The following SETBP1 variants were observed in gnomAD, a reference collection of about 807,000 sequenced individuals.
SETBP1 encodes SET-binding protein.
Under a neutral mutation model 101.0 loss-of-function variants are expected in SETBP1, and 9 were observed. The observed-to-expected ratio is 0.09, with a 90% CI of 0.05 to 0.16. The LOEUF is 0.16. SETBP1 is among the 10% of genes least tolerant of loss of function. The probability of loss-of-function intolerance (pLI) is 1.00; values close to 1 mark genes in which losing one functional copy is unlikely to be tolerated. For synonymous variants in SETBP1, 818 were observed against 788.5 expected (o/e 1.04, Z -0.63); for missense variants, 1,858 against 2,033.8 (o/e 0.91, Z 1.66).
chr18:44,891,815 T>C (rs1735664196), intron 3 of SETBP1, among the ~76,000 whole-genome samples: 2 of 152,192 alleles, frequency 1.3e-5, no homozygotes, highest in South Asian at 4.1e-4. Context: ...GAGGCATTTT[T>C]TTCCTCTTTA....
chr18:44,769,463 T>C (rs148293588), intron 2 of SETBP1, among the ~76,000 whole-genome samples: 10 of 152,328 alleles, frequency 6.6e-5, no homozygotes, highest in African/African-American at 2.4e-4. Context: ...GATGATTTCT[T>C]AGGAATGTGT....
At position 45,035,589 on chromosome 18, in the gene SETBP1, G is replaced by A. The variant is rs183280850; in HGVS notation, c.4001-2896G>A. ...GGTACAATTAAAGTGACTTGACTCC[G>A]TTTATTCCCAAGTGGGAGTTAAATA... On this transcript the variant is annotated intron_variant, in intron 4 of 5. Coordinates refer to ENST00000649279, the MANE Select transcript of SETBP1 (RefSeq NM_015559.3). Among the ~76,000 whole-genome samples the A allele has an allele frequency of 1.7e-3, 259 of 152,306 alleles. 1 individual carries two copies. The highest frequency in any genetic ancestry group is 6.0e-3 in the African/African-American group (251 of 41,568).
chr18:44,805,428 G>A (rs2071709053), intron 2 of SETBP1, among the ~76,000 whole-genome samples: 1 of 151,772 alleles, frequency 6.6e-6, no homozygotes, highest in African/African-American at 2.4e-5. Context: ...GTGTGTGTGT[G>A]TGTGTGGGTG....
intron 3 of SETBP1, among the ~76,000 whole-genome samples, chr18:44,889,481 G>A (rs757719584): frequency 1.6e-4 from 25 of 152,098 alleles, no homozygotes; most frequent in Non-Finnish European, 2.8e-4. Flanking sequence ...GTGTAGACTA[G>A]AGTCATAAGA....
chr18:44,817,147 G>C (rs1278220996), intron 2 of SETBP1, among the ~76,000 whole-genome samples: 1 of 152,134 alleles, frequency 6.6e-6, no homozygotes, highest in African/African-American at 2.4e-5. Context: ...TAGTGATTAG[G>C]GTAGAACGAA....
intron 2 of SETBP1, among the ~76,000 whole-genome samples, chr18:44,751,781 A>G (rs2144537935): frequency 6.6e-6 from 1 of 152,324 alleles, no homozygotes; most frequent in African/African-American, 2.4e-5. Flanking sequence ...ATAACAATAT[A>G]CCATAGACTG....
intron 3 of SETBP1, among the ~76,000 whole-genome samples, chr18:44,881,325 C>A (rs150345884): frequency 3.9e-4 from 60 of 152,226 alleles, no homozygotes; most frequent in African/African-American, 1.4e-3. Context: ...ATCTTGTGAA[C>A]AATGACCTAA....
intron 2 of SETBP1, among the ~76,000 whole-genome samples, chr18:44,726,873 G>C (rs976023464): frequency 1.8e-4 from 28 of 152,128 alleles, no homozygotes; most frequent in Admixed American, 2.6e-4. Flanking sequence ...CACACACTCT[G>C]TTTCTGTTTT....
intron 2 of SETBP1, among the ~76,000 whole-genome samples, chr18:44,845,508 G>T (rs1314417870): frequency 4.6e-5 from 7 of 152,230 alleles, no homozygotes; most frequent in Non-Finnish European, 1.0e-4. Context: ...TGGTCTCTGG[G>T]TGATTAATTT....
Position 44,951,590 on chromosome 18 carries a change from G to T in SETBP1, c.2250G>T (p.Arg750Ser). The T allele has an allele frequency of 1.2e-6, 2 of 1,614,100 alleles. No homozygotes were observed. Among genetic ancestry groups the T allele is most frequent in the Non-Finnish European group, 8.5e-7 (1 of 1,180,014 alleles). Reference protein sequence around the residue: ...EEPKTAIKHPRPVSSQPDVPA... With the variant: ...EEPKTAIKHPSPVSSQPDVPA... ...CCAAAACAGCCATCAAGCACCCCAG[G>T]CCTGTTTCTAGCCAGCCGGATGTTC... Residue 750 changes from arginine to serine, a missense_variant, in exon 4 of 6, where the codon AGG becomes AGT. Arg to Ser is a moderately radical substitution (Grantham distance 110). This residue lies in a region of SETBP1 where 121 missense variants were observed against 138.0 expected (regional missense o/e 0.88). Coordinates refer to ENST00000649279, the MANE Select transcript of SETBP1 (RefSeq NM_015559.3). This position sits in a 1 kb window ranked among gnomAD's most constrained non-coding sequence, Gnocchi z 7.8.
intron 3 of SETBP1, among the ~76,000 whole-genome samples, chr18:44,880,761 G>A (rs1046373069): frequency 2.0e-5 from 3 of 152,116 alleles, no homozygotes; most frequent in South Asian, 2.1e-4. Flanking sequence ...TGCGAACTCA[G>A]AGCTAGAGTA....
chr18:44,737,801 C>T (rs113371390), intron 2 of SETBP1, among the ~76,000 whole-genome samples: 1 of 152,202 alleles, frequency 6.6e-6, no homozygotes, highest in African/African-American at 2.4e-5. Context: ...TTGTGTTGGG[C>T]CTTTCCAACC....
At chr18:45,029,304 C>T (rs2073239294) in intron 4 of SETBP1, among the ~76,000 whole-genome samples, 1 of 151,882 alleles carries the variant, frequency 6.6e-6, no homozygotes, top group South Asian at 2.1e-4. Context: ...TCAGGTTTGT[C>T]AAAGATCAGA....
At chr18:44,864,572 C>T (rs1194506243) in intron 2 of SETBP1, among the ~76,000 whole-genome samples, 3 of 152,120 alleles carry the variant, frequency 2.0e-5, no homozygotes, top group African/African-American at 4.8e-5. Context: ...AGCAGCAAGA[C>T]ATGTCAGGAA....
chr18:44,691,867 A>G (rs755075507), intron 1 of SETBP1, among the ~76,000 whole-genome samples: 2 of 152,212 alleles, frequency 1.3e-5, no homozygotes, highest in Non-Finnish European at 2.9e-5. Context: ...TCTGGTCCCA[A>G]TTCTACATAT....
rs1380671452 is a variant in SETBP1, at chr18:45,063,485, G to A, written c.4578G>A (p.Pro1526=). The part of the protein sequence containing the change: ...AREAPPLPPP[P]PPPLPPPPPP... ...AGGCGCCGCCCCTGCCCCCGCCACC[G>A]CCGCCGCCCCTGCCGCCACCGCCGC... The change falls in exon 6 of 6, where the codon CCG becomes CCA. Residue 1526 remains proline (P), a synonymous_variant. Transcript: ENST00000649279. 7.1e-6 allele frequency: 7 copies of A among 983,624 alleles called. No homozygotes were observed. The highest frequency in any genetic ancestry group is 8.8e-6 in the Non-Finnish European group (7 of 793,938). 60.9% of individuals were successfully genotyped at this position (983,624 alleles called of 1,614,324 possible). A position where few individuals can be genotyped will look rare whatever the true frequency, so the allele number is the denominator to read the frequency against.
intron 5 of SETBP1, among the ~76,000 whole-genome samples, chr18:45,056,611 G>A (rs1487859393): frequency 1.3e-5 from 2 of 152,234 alleles, no homozygotes; most frequent in African/African-American, 2.4e-5. Context: ...GTTTAATTTA[G>A]AGAGGCAGAG....
intron 1 of SETBP1, among the ~76,000 whole-genome samples, chr18:44,698,797 A>C (rs1421568933): frequency 6.6e-6 from 1 of 152,170 alleles, no homozygotes; most frequent in Non-Finnish European, 1.5e-5. Context: ...TTGAGGAAAA[A>C]GATTGTGTTT....
chr18:44,690,755 T>G (rs915752585), intron 1 of SETBP1, among the ~76,000 whole-genome samples: 2 of 152,214 alleles, frequency 1.3e-5, no homozygotes, highest in Non-Finnish European at 2.9e-5. Context: ...CAGGGTTAAA[T>G]AGTATAATAA....
Sources: allele counts gnomAD v4.1 joint callset (sites outside exome capture counted in the v4.1 genomes callset), GRCh38; gene constraint gnomAD v4.1.1; regional missense constraint gnomAD v4.1.1; non-coding constraint Gnocchi (gnomAD v3.1); transcripts MANE v1.5; gene names NCBI Gene and HGNC (gene_info 2026-07-23, HGNC 2026-07-21).